Variants in SHARPIN observed in about 807,000 individuals in gnomAD.
SHARPIN encodes the protein hSIPL1.
A neutral mutation model predicts 40.3 loss-of-function variants in SHARPIN; 25 were observed. That is an observed-to-expected ratio of 0.62 (90% CI 0.45 to 0.87). SHARPIN has a LOEUF of 0.87. SHARPIN is among the 40% of genes least tolerant of loss of function. The probability of loss-of-function intolerance (pLI) is 0.00; values close to 1 mark genes in which losing one functional copy is unlikely to be tolerated. For synonymous variants in SHARPIN, 274 were observed against 221.8 expected (o/e 1.24, Z -2.09); for missense variants, 551 against 516.1 (o/e 1.07, Z -0.66).
intron 1 of SHARPIN, 93 bp downstream of exon 1, chr8:144,103,460 G>A (rs1054100889): frequency 7.5e-7 from 1 of 1,327,032 alleles, no homozygotes; most frequent in African/African-American, 1.5e-5. Context: ...ACTGCTTAAG[G>A]GCACCCAGGT....
chr8:144,098,971 G>A lies in SHARPIN; in HGVS notation c.1071C>T (p.Cys357=). 6.2e-7 allele frequency: 1 copy of A among 1,601,772 alleles called. No homozygotes were observed. Among genetic ancestry groups the A allele is most frequent in the South Asian group, 1.1e-5 (1 of 89,448 alleles). The change falls in exon 8 of 9, where the codon TGC becomes TGT. Residue 357 remains cysteine (C), a synonymous_variant. Coordinates refer to ENST00000398712, the MANE Select transcript of SHARPIN (RefSeq NM_030974.4). ...PLQPSWSCPS[C]TFINAPDRPG... is the part of the protein sequence containing the mutation. ...GGCGGTCTGGGGCATTGATGAAGGT[G>A]CAGGAAGGACAGGACCAGCTGGGCT...
Position 144,103,132 on chromosome 8 carries a change from G to C in SHARPIN, c.295C>G (p.Leu99Val). 2 of 1,611,448 alleles carry C rather than the reference G, an allele frequency of 1.2e-6. No homozygotes were observed. Among genetic ancestry groups the C allele is most frequent in the African/African-American group, 2.7e-5 (2 of 74,266 alleles). ...TGAGGGTTGAGGAAGTGCAGGCTGAGGGTTCCAGGCCCTCCTGGTGGAGGC... is the reference window on the plus strand; with the variant it reads ...TGAGGGTTGAGGAAGTGCAGGCTGACGGTTCCAGGCCCTCCTGGTGGAGGC... ...LQPPPGGPGTLSLHFLNPQEA... is the reference protein window; with the variant it reads ...LQPPPGGPGTVSLHFLNPQEA... Residue 99 changes from leucine (L) to valine (V), a missense_variant, in exon 2 of 9, where the codon CTC (leucine) becomes GTC (valine). Physicochemically the swap from Leu to Val is conservative, Grantham distance 32 (BLOSUM62 1). Coordinates refer to ENST00000398712, the MANE Select transcript of SHARPIN (RefSeq NM_030974.4).
intron 2 of SHARPIN, among the ~76,000 whole-genome samples, chr8:144,102,171 A>G (rs1259285625): frequency 6.6e-6 from 1 of 152,172 alleles, no homozygotes; most frequent in African/African-American, 2.4e-5. Flanking sequence ...TCAAGGCTCC[A>G]GTGAGTTAGG....
rs774420523 is a variant in SHARPIN at position 144,103,736 on chromosome 8, G to A, written c.18C>T (p.Gly6=). The A allele has an allele frequency of 2.9e-6, 4 of 1,382,672 alleles. No individual in the cohort carries two copies. Among genetic ancestry groups the A allele is most frequent in the South Asian group, 1.6e-5 (1 of 61,004 alleles). 85.7% of individuals were successfully genotyped at this position (1,382,672 alleles called of 1,614,324 possible). A position where few individuals can be genotyped will look rare whatever the true frequency, so the allele number is the denominator to read the frequency against. The change falls in exon 1 of 9, where the codon GGC becomes GGT. Residue 6 remains glycine (G), a synonymous_variant. Transcript: ENST00000398712. ...AGTCCGAGGCCGCCGCCGCCGCCCC[G>A]CCCGCTGGCGGCGCCATCTCCGGTC... is the stretch of plus-strand genomic sequence containing the variant. MAPPA[G]GAAAAASDLG...
rs1836232073 is a variant in SHARPIN at position 144,099,210 on chromosome 8, G to C, written c.923-5C>G. 2 of 1,607,524 alleles carry C rather than the reference G, an allele frequency of 1.2e-6. No individual in the cohort carries two copies. Among genetic ancestry groups the C allele is most frequent in the Middle Eastern group, 1.7e-4 (1 of 6,016 alleles). On this transcript the variant is annotated splice_polypyrimidine_tract_variant and splice_region_variant and intron_variant, in intron 6 of 8. Coordinates refer to ENST00000398712, the MANE Select transcript of SHARPIN (RefSeq NM_030974.4). ...GCTGAGGGCTAGGTCCTGTGGCTGA[G>C]GGGGTGGAGCTCAGGACTGTGGGGC... is the stretch of plus-strand genomic sequence containing the variant.
intron 2 of SHARPIN, chr8:144,100,635 A>G (rs1352807384): frequency 6.5e-6 from 1 of 153,396 alleles, no homozygotes; most frequent in African/African-American, 2.4e-5. Context: ...ATATTCTACC[A>G]TCTCCCTACT....
chr8:144,103,117 G>C lies in SHARPIN; in HGVS notation c.310C>G (p.Leu104Val), dbSNP rs1836322119. The C allele has an allele frequency of 6.2e-7, 1 of 1,613,462 alleles. No individual in the cohort carries two copies. The change falls in exon 2 of 9, where the codon CTC becomes GTC. Residue 104 changes from leucine (L) to valine (V), a missense_variant. Leu to Val is a conservative substitution (Grantham distance 32). Transcript: ENST00000398712. ...CACCGCTGAGCTTCCTGAGGGTTGA[G>C]GAAGTGCAGGCTGAGGGTTCCAGGC... ...GGPGTLSLHF[L>V]NPQEAQRWAV...
Position 144,099,746 on chromosome 8 carries a change from TC to T in SHARPIN, c.615del (p.Ser206ValfsTer206). ...AAGCAGGCCTCCTGAAGCTGAACAC[TC>T]AGGGCCACACGATGCTGGGCCAGGA... ...AAVLAQHRVA[L>X]SVQLQEACFP... On this transcript the variant is annotated frameshift_variant, in exon 4 of 9. Coordinates refer to ENST00000398712, the MANE Select transcript of SHARPIN (RefSeq NM_030974.4). LOFTEE classifies it high-confidence loss of function. 6.2e-7 allele frequency: 1 copy of T among 1,613,442 alleles called. No individual in the cohort carries two copies. Among genetic ancestry groups the T allele is most frequent in the Middle Eastern group, 1.7e-4 (1 of 6,060 alleles).
chr8:144,100,452 C>A (rs1288390654), intron 2 of SHARPIN, among the ~76,000 whole-genome samples: 1 of 152,244 alleles, frequency 6.6e-6, no homozygotes, highest in African/African-American at 2.4e-5. Context: ...CCTCTCCGGG[C>A]TCCCTGACCC....
At chr8:144,100,695 C>G (rs1319264714) in intron 2 of SHARPIN, 1 of 154,286 alleles carries the variant, frequency 6.5e-6, no homozygotes, top group Non-Finnish European at 1.5e-5. Context: ...GGCCCCGGCC[C>G]CGGCCCCGGC....
rs766753036 is a variant in SHARPIN, at chr8:144,099,141, T to C, written c.987A>G (p.Pro329=). The C allele has an allele frequency of 6.3e-7, 1 of 1,590,928 alleles. No homozygotes were observed. The highest frequency in any genetic ancestry group is 8.6e-7 in the Non-Finnish European group (1 of 1,169,312). ...MDGELGRLFP[P]SLGLPPGPQP... is the part of the protein sequence containing the mutation. ...GGGGGCCTGGGGGTAGCCCCAATGATGGGGGAAACAAGCGTCCAAGTTCCC... is the reference window on the plus strand; with the variant it reads ...GGGGGCCTGGGGGTAGCCCCAATGACGGGGGAAACAAGCGTCCAAGTTCCC... Residue 329 remains proline, a synonymous_variant, in exon 7 of 9, where the codon CCA becomes CCG. Coordinates refer to ENST00000398712, the MANE Select transcript of SHARPIN (RefSeq NM_030974.4).
chr8:144,099,076 C>G lies in SHARPIN; in HGVS notation c.1047+5G>C. On this transcript the variant is annotated splice_donor_5th_base_variant and intron_variant, in intron 7 of 8. Coordinates refer to ENST00000398712, the MANE Select transcript of SHARPIN (RefSeq NM_030974.4). ...CTGGCCCTCCCTGCCCAGTCCCGTG[C>G]CCACCTGGAGTGGACTGGGCAGGCT... is the stretch of plus-strand genomic sequence containing the variant. The G allele has an allele frequency of 6.4e-7, 1 of 1,569,940 alleles. No individual in the cohort carries two copies. Among genetic ancestry groups the G allele is most frequent in the Non-Finnish European group, 8.6e-7 (1 of 1,157,748 alleles).
Position 144,099,111 on chromosome 8 carries a change from T to C in SHARPIN, c.1017A>G (p.Pro339=), listed in dbSNP as rs1247883530. 1.9e-6 allele frequency: 3 copies of C among 1,584,692 alleles called. No homozygotes were observed. Among genetic ancestry groups the C allele is most frequent in the East Asian group, 2.2e-5 (1 of 44,604 alleles). Residue 339 remains proline (P), a synonymous_variant, in exon 7 of 9, where the codon CCA becomes CCG. Transcript: ENST00000398712. ...GTGGACTGGGCAGGCTGGAGGCAGCTGGCTGGGGGCCTGGGGGTAGCCCCA... is the reference window on the plus strand; with the variant it reads ...GTGGACTGGGCAGGCTGGAGGCAGCCGGCTGGGGGCCTGGGGGTAGCCCCA... The part of the protein sequence containing the change: ...PSLGLPPGPQ[P]AASSLPSPLQ...
At position 144,099,549 on chromosome 8, in the gene SHARPIN, C is replaced by G; in HGVS notation, c.729G>C (p.Gln243His). The G allele has an allele frequency of 6.2e-7, 1 of 1,614,082 alleles. No homozygotes were observed. Among genetic ancestry groups the G allele is most frequent in the South Asian group, 1.1e-5 (1 of 91,080 alleles). ...SAASSAHVAL[Q>H]VHPHCTVAAL... ...CTGCAACAGTGCAGTGGGGGTGGAC[C>G]TGCAGGGCAACGTGTGCAGAGGACG... Residue 243 changes from glutamine to histidine, a missense_variant, in exon 5 of 9, where the codon CAG becomes CAC. Coordinates refer to ENST00000398712, the MANE Select transcript of SHARPIN (RefSeq NM_030974.4).
intron 6 of SHARPIN, 25 bp downstream of exon 6, chr8:144,099,252 C>T (rs1214778402): frequency 1.2e-6 from 2 of 1,613,690 alleles, no homozygotes; most frequent in African/African-American, 1.3e-5. Flanking sequence ...CCACCTCCCA[C>T]ACCCCACCCC....
At position 144,099,946 on chromosome 8, in the gene SHARPIN, C is replaced by T. The variant is rs759843484; in HGVS notation, c.500G>A (p.Gly167Glu). 6.3e-6 allele frequency: 9 copies of T among 1,439,210 alleles called. No homozygotes were observed. The highest frequency in any genetic ancestry group is 8.4e-6 in the Non-Finnish European group (9 of 1,071,450). 89.2% of individuals were successfully genotyped at this position (1,439,210 alleles called of 1,614,324 possible). A position where few individuals can be genotyped will look rare whatever the true frequency, so the allele number is the denominator to read the frequency against. ...PPEADLPRSP[G>E]NLTEREELAG... The stretch of plus-strand genomic sequence containing the variant: ...ACCTGTACCTCTCTCCGTCAAGTTT[C>T]CAGGGCTCCTAGGAAGATCTGCCTC... Residue 167 changes from glycine (G) to glutamate (E), a missense_variant, in exon 3 of 9, where the codon GGA (glycine) becomes GAA (glutamate). Transcript: ENST00000398712.
At chr8:144,100,300 A>G (rs776073288) in intron 2 of SHARPIN, among the ~76,000 whole-genome samples, 3 of 152,216 alleles carry the variant, frequency 2.0e-5, no homozygotes, top group African/African-American at 2.4e-5. Flanking sequence ...TGGGAATTAG[A>G]GCCTTTTCAA....
Position 144,099,121 on chromosome 8 carries a change from C to A in SHARPIN, c.1007G>T (p.Gly336Val). The A allele has an allele frequency of 6.3e-7, 1 of 1,587,352 alleles. No homozygotes were observed. The change falls in exon 7 of 9, where the codon GGC becomes GTC. Residue 336 changes from glycine (G) to valine (V), a missense_variant. Transcript: ENST00000398712. ...LFPPSLGLPP[G>V]PQPAASSLPS... ...CAGGCTGGAGGCAGCTGGCTGGGGG[C>A]CTGGGGGTAGCCCCAATGATGGGGG...
intron 2 of SHARPIN, 64 bp from the exon 3 acceptor site, chr8:144,100,133 T>C (rs1836262162): frequency 6.6e-7 from 1 of 1,509,366 alleles, no homozygotes; most frequent in Admixed American, 2.3e-5. Flanking sequence ...CCCTTGGTTT[T>C]CCAGGACCTT....
Sources: gnomAD v4.1 joint callset for allele counts (sites outside exome capture counted in the v4.1 genomes callset) on GRCh38, gnomAD v4.1.1 for gene constraint, MANE v1.5 for transcripts, NCBI Gene and HGNC (gene_info 2026-07-23, HGNC 2026-07-21) for gene names.